ATP10D: variants seen among roughly 807,000 people sequenced by gnomAD.
The protein encoded by ATP10D is ATPase phospholipid transporting 10D (putative), also known as phospholipid-transporting ATPase VD.
Under a neutral mutation model 144.8 loss-of-function variants are expected in ATP10D, and 89 were observed. That is an observed-to-expected ratio of 0.61 (90% CI 0.52 to 0.73). The LOEUF is 0.73. Ranked by LOEUF, ATP10D falls within the 30% of genes least tolerant of loss-of-function variation. ATP10D has a pLI of 0.00. For missense variants in ATP10D, 1,603 were observed against 1,714.8 expected, an observed-to-expected ratio of 0.93 and a Z score of 1.15; for synonymous variants, 571 against 615.1, an observed-to-expected ratio of 0.93 and a Z score of 1.06.
chr4:47,573,449 CT>C (rs1455211194), intron 18 of ATP10D, among the ~76,000 whole-genome samples: 1 of 152,222 alleles, frequency 6.6e-6, no homozygotes, highest in African/African-American at 2.4e-5. Context: ...CCTAGTATGT[CT>C]TAGCGTGTAG....
intron 18 of ATP10D, 97 bp downstream of exon 18, chr4:47,573,094 T>C: frequency 7.0e-7 from 1 of 1,418,858 alleles, no homozygotes; most frequent in Non-Finnish European, 9.7e-7. Context: ...AAGCTCACTT[T>C]CCTTATTGAT....
intron 3 of ATP10D, among the ~76,000 whole-genome samples, chr4:47,522,199 C>T (rs1188530425): frequency 1.3e-5 from 2 of 152,128 alleles, no homozygotes; most frequent in East Asian, 3.9e-4. Context: ...TCATTTTACC[C>T]TAGGGAAAAT....
intron 12 of ATP10D, 73 bp downstream of exon 12, chr4:47,558,346 T>A (rs889134601): frequency 2.0e-6 from 3 of 1,528,370 alleles, no homozygotes; most frequent in Non-Finnish European, 2.6e-6. Flanking sequence ...TTGATGGCTT[T>A]ATAAAGGCAA....
intron 1 of ATP10D, among the ~76,000 whole-genome samples, chr4:47,490,516 GAGA>G (rs529732975): frequency 6.6e-6 from 1 of 152,362 alleles, no homozygotes; most frequent in East Asian, 1.9e-4. Context: ...GCTAGTGCAT[GAGA>G]AGAAGTATGG....
chr4:47,536,452 T>A lies in ATP10D; in HGVS notation c.1031T>A (p.Leu344Gln), dbSNP rs770999094. The part of the protein sequence containing the change: ...LTGAVGHGIW[L>Q]SRYEKMHFFN... The stretch of plus-strand genomic sequence containing the variant: ...TTTTTGAAAGGTCATGGAATCTGGC[T>A]GAGCAGGTATGAAAAGATGCATTTT... Residue 344 changes from leucine to glutamine, a missense_variant, in exon 8 of 23, where the codon CTG becomes CAG. Physicochemically the swap from Leu to Gln is moderately radical, Grantham distance 113. Coordinates refer to ENST00000273859, the MANE Select transcript of ATP10D (RefSeq NM_020453.4). 3 of 1,613,578 alleles carry A rather than the reference T, an allele frequency of 1.9e-6. No homozygotes were observed. Among genetic ancestry groups the A allele is most frequent in the Admixed American group, 3.3e-5 (2 of 59,980 alleles).
chr4:47,491,280 G>A (rs1715065434), intron 1 of ATP10D: 5 of 889,982 alleles, frequency 5.6e-6, no homozygotes, highest in Non-Finnish European at 9.2e-6. Context: ...GACTCTTCCA[G>A]TTTTGCCATG....
chr4:47,529,981 T>C (rs1473964820), intron 5 of ATP10D, among the ~76,000 whole-genome samples: 1 of 152,212 alleles, frequency 6.6e-6, no homozygotes, highest in Non-Finnish European at 1.5e-5. Flanking sequence ...CTACTGATTT[T>C]GTGCATTGAT....
intron 1 of ATP10D, among the ~76,000 whole-genome samples, chr4:47,503,376 A>T (rs1009529818): frequency 2.0e-5 from 3 of 152,170 alleles, no homozygotes; most frequent in Non-Finnish European, 4.4e-5. Flanking sequence ...ATGTTTGCTG[A>T]GTAAATTGAA....
intron 1 of ATP10D, among the ~76,000 whole-genome samples, chr4:47,500,021 AT>A (rs1280139224): frequency 6.6e-6 from 1 of 152,210 alleles, no homozygotes; most frequent in African/African-American, 2.4e-5. Flanking sequence ...ATTATATCAC[AT>A]TTAGAGGCAG....
In ATP10D at chr4:47,593,393, A is replaced by G. The variant is rs1022648557; in HGVS notation, c.*2012A>G. The G allele has an allele frequency of 6.6e-6, 1 of 152,134 alleles. No homozygotes were observed. Among genetic ancestry groups the G allele is most frequent in the African/African-American group, 2.4e-5 (1 of 41,448 alleles). The allele number at this position is 152,134 out of a possible 1,614,324, so 9.4% of individuals were successfully genotyped here. On this transcript the variant is annotated 3_prime_UTR_variant, in exon 23 of 23. Coordinates refer to ENST00000273859, the MANE Select transcript of ATP10D (RefSeq NM_020453.4). ...TGTAATCATTCATATACTTTGCTACAAAAATATTAATATATTTCATTACTG... is the reference window on the plus strand; with the variant it reads ...TGTAATCATTCATATACTTTGCTACGAAAATATTAATATATTTCATTACTG...
intron 22 of ATP10D, 116 bp downstream of exon 22, chr4:47,587,322 C>T (rs1720839243): frequency 1.1e-6 from 1 of 906,948 alleles, no homozygotes; most frequent in South Asian, 1.8e-5. Context: ...GTGAGAAAGT[C>T]AATTTGTGTC....
chr4:47,541,995 C>CT (rs1718157651), intron 9 of ATP10D, among the ~76,000 whole-genome samples: 1 of 151,670 alleles, frequency 6.6e-6, no homozygotes, highest in Non-Finnish European at 1.5e-5. Context: ...TGGAGTCTAC[C>CT]TTAAGGTAAG....
chr4:47,485,508 A>G lies in ATP10D; in HGVS notation c.-49A>G, dbSNP rs1714698806. 1 of 151,670 alleles carries G rather than the reference A, an allele frequency of 6.6e-6. No homozygotes were observed. Among genetic ancestry groups the G allele is most frequent in the Admixed American group, 6.6e-5 (1 of 15,252 alleles). 9.4% of individuals were successfully genotyped at this position (151,670 alleles called of 1,614,324 possible). The stretch of plus-strand genomic sequence containing the variant: ...GACCAACATGCTGTGATGTGTGCCG[A>G]GGGAGGAATTGGTAAGAGTGAGACG... On this transcript the variant is annotated 5_prime_UTR_variant, in exon 1 of 23. Transcript: ENST00000273859.
chr4:47,567,521 T>C (rs1224873540), intron 15 of ATP10D, among the ~76,000 whole-genome samples: 2 of 152,234 alleles, frequency 1.3e-5, no homozygotes, highest in Non-Finnish European at 2.9e-5. Context: ...GCTGTATTCT[T>C]TCAATTACAA....
At chr4:47,518,474 A>G (rs894879150) in intron 3 of ATP10D, among the ~76,000 whole-genome samples, 4 of 152,194 alleles carry the variant, frequency 2.6e-5, no homozygotes, top group Non-Finnish European at 5.9e-5. Flanking sequence ...ACTATTAATC[A>G]TTCAACAAAT....
At chr4:47,552,570 C>G (rs1179157657) in intron 10 of ATP10D, among the ~76,000 whole-genome samples, 5 of 152,148 alleles carry the variant, frequency 3.3e-5, no homozygotes, top group African/African-American at 1.2e-4. Flanking sequence ...CCCAAAGAGC[C>G]CTACTTCCTA....
chr4:47,493,721 A>G (rs1024150708), intron 1 of ATP10D, among the ~76,000 whole-genome samples: 4 of 152,142 alleles, frequency 2.6e-5, no homozygotes, highest in Non-Finnish European at 5.9e-5. Context: ...GTATCACTTG[A>G]GCTTGTTAGA....
At chr4:47,586,933 G>A in intron 21 of ATP10D, 86 bp from the exon 22 acceptor site, 1 of 1,208,640 alleles carries the variant, frequency 8.3e-7, no homozygotes, top group Non-Finnish European at 1.2e-6. Context: ...TAGATGTGTT[G>A]TCTCTTTAAT....
At chr4:47,495,224 G>C (rs966428693) in intron 1 of ATP10D, among the ~76,000 whole-genome samples, 2 of 151,936 alleles carry the variant, frequency 1.3e-5, no homozygotes, top group African/African-American at 4.8e-5. Context: ...AGCATTATTA[G>C]TATGTACGCA....
Sources: gnomAD v4.1 joint callset for allele counts (sites outside exome capture counted in the v4.1 genomes callset) on GRCh38, gnomAD v4.1.1 for gene constraint, MANE v1.5 for transcripts, NCBI Gene and HGNC (gene_info 2026-07-23, HGNC 2026-07-21) for gene names.